The following MBD2 variants were observed in gnomAD, a reference collection of about 807,000 sequenced individuals.
MBD2 encodes the protein methyl-CpG-binding domain protein 2.
MBD2 carries 9 observed loss-of-function variants against 39.3 expected under a neutral mutation model. The ratio of observed to expected loss-of-function variants is 0.23; its 90% CI spans 0.14 to 0.40. The LOEUF (loss-of-function observed/expected upper bound fraction) is 0.40, where lower values mean the gene tolerates loss of function less well. Among genes scored for constraint, MBD2 ranks in the 10% least tolerant of loss-of-function variants. The pLI is 1.00. For missense variants in MBD2, 458 were observed against 532.6 expected (o/e 0.86, Z 1.38); for synonymous variants, 233 against 211.1 (o/e 1.10, Z -0.90).
At chr18:54,165,183 C>T (rs2086122575) in intron 4 of MBD2, among the ~76,000 whole-genome samples, 1 of 152,188 alleles carries the variant, frequency 6.6e-6, no homozygotes, top group Non-Finnish European at 1.5e-5. Flanking sequence ...AATATCTCAA[C>T]AATTATCTTC....
Position 54,202,638 on chromosome 18 carries a change from GA to G in MBD2, c.702+2359del, listed in dbSNP as rs1473524333. On this transcript the variant is annotated intron_variant, in intron 2 of 6. Transcript: ENST00000256429. ...GACCATGCCTCCAAAAATTAAGGCA[GA>G]AAGCTTCAGAAAACAATGAAAATGA... 6 of 874,308 alleles carry G rather than the reference GA, an allele frequency of 6.9e-6. No individual in the cohort carries two copies. In the African/African-American group the frequency reaches 1.1e-4, roughly 16 times the overall value. 54.2% of individuals were successfully genotyped at this position (874,308 alleles called of 1,614,324 possible).
intron 2 of MBD2, among the ~76,000 whole-genome samples, chr18:54,189,566 T>C (rs2086306538): frequency 6.6e-6 from 1 of 152,128 alleles, no homozygotes; most frequent in Non-Finnish European, 1.5e-5. Flanking sequence ...TCTACATAAA[T>C]TTCCTATCTG....
intron 2 of MBD2, among the ~76,000 whole-genome samples, chr18:54,201,001 AC>A (rs1283821848): frequency 2.7e-5 from 4 of 150,210 alleles, no homozygotes; most frequent in African/African-American, 9.8e-5. Context: ...AATGGCATGA[AC>A]CCGGGAGGCA....
At chr18:54,208,743 T>A (rs1199754234) in intron 1 of MBD2, among the ~76,000 whole-genome samples, 4 of 152,220 alleles carry the variant, frequency 2.6e-5, no homozygotes, top group African/African-American at 4.8e-5. Context: ...CAATAAGTAG[T>A]TCCTTATCTT....
At chr18:54,163,788 A>G (rs900900780) in intron 5 of MBD2, among the ~76,000 whole-genome samples, 2 of 152,004 alleles carry the variant, frequency 1.3e-5, no homozygotes, top group Non-Finnish European at 2.9e-5. Context: ...TAAGTTTAAG[A>G]GCAGCATCAC....
At chr18:54,171,025 G>C (rs2086175767) in intron 3 of MBD2, among the ~76,000 whole-genome samples, 1 of 152,024 alleles carries the variant, frequency 6.6e-6, no homozygotes, top group Admixed American at 6.6e-5. Flanking sequence ...TAGAAAGCTA[G>C]TTTTATTTTT....
intron 3 of MBD2, among the ~76,000 whole-genome samples, chr18:54,167,751 A>G (rs1211911451): frequency 1.3e-5 from 2 of 152,232 alleles, no homozygotes; most frequent in African/African-American, 4.8e-5. Flanking sequence ...TAATCACATT[A>G]TCAGTAGAAT....
chr18:54,204,945 T>C, intron 2 of MBD2, 53 bp downstream of exon 2: 1 of 1,556,332 alleles, frequency 6.4e-7, no homozygotes, highest in Non-Finnish European at 8.8e-7. Flanking sequence ...TGTGAGATAC[T>C]TTTTGAAGAG....
chr18:54,188,612 A>C (rs2086299290), intron 3 of MBD2, among the ~76,000 whole-genome samples: 1 of 152,234 alleles, frequency 6.6e-6, no homozygotes, highest in South Asian at 2.1e-4. Context: ...AGCAGAACCA[A>C]GTCTGATGTA....
At chr18:54,158,780 A>G (rs1385084723) in intron 6 of MBD2, among the ~76,000 whole-genome samples, 2 of 152,038 alleles carry the variant, frequency 1.3e-5, no homozygotes, top group Non-Finnish European at 2.9e-5. Flanking sequence ...CAGCTATTCT[A>G]CCACGCCCAG....
At position 54,224,088 on chromosome 18, in the gene MBD2, C is replaced by CG. The variant is rs755716804; in HGVS notation, c.471dup (p.Gly158ArgfsTer28). ...CGGATCACTTCCTCCTTCTTCCATC[C>CG]GGGGGGGAGGGCCGGGCAATCCATC... On this transcript the variant is annotated frameshift_variant, in exon 1 of 7. Transcript: ENST00000256429. LOFTEE classifies it high-confidence loss of function. 29 of 1,595,098 alleles carry CG rather than the reference C, an allele frequency of 1.8e-5. No individual in the cohort carries two copies. The highest frequency in any genetic ancestry group is 3.4e-5 in the Admixed American group (2 of 59,414).
intron 3 of MBD2, among the ~76,000 whole-genome samples, chr18:54,174,375 A>C (rs1036339206): frequency 1.0e-3 from 152 of 152,202 alleles, no homozygotes; most frequent in African/African-American, 3.5e-3. Flanking sequence ...CAGAAACAGA[A>C]AGAAGGGCCC....
intron 1 of MBD2, among the ~76,000 whole-genome samples, chr18:54,212,019 C>T (rs1368597223): frequency 6.6e-6 from 1 of 152,118 alleles, no homozygotes; most frequent in Non-Finnish European, 1.5e-5. Flanking sequence ...CCAAACCCAG[C>T]TAATTTTTTT....
At chr18:54,185,733 C>T (rs1428932574) in intron 3 of MBD2, among the ~76,000 whole-genome samples, 1 of 152,088 alleles carries the variant, frequency 6.6e-6, no homozygotes, top group Non-Finnish European at 1.5e-5. Flanking sequence ...CTCCTCCCCA[C>T]TACAGGGGTC....
At chr18:54,155,906 C>A (rs775155546) in intron 6 of MBD2, among the ~76,000 whole-genome samples, 1 of 152,184 alleles carries the variant, frequency 6.6e-6, no homozygotes, top group African/African-American at 2.4e-5. Context: ...TCTTCTTCTT[C>A]TTCTTAAATT....
At chr18:54,165,373 C>G (rs2086124122) in intron 4 of MBD2, among the ~76,000 whole-genome samples, 1 of 152,176 alleles carries the variant, frequency 6.6e-6, no homozygotes, top group African/African-American at 2.4e-5. Flanking sequence ...AGTCCTAAAC[C>G]TGTTTAACTA....
chr18:54,224,272 A>ACGGCCG lies in MBD2; in HGVS notation c.282_287dup (p.Gly95_Arg96dup). The ACGGCCG allele has an allele frequency of 9.7e-6, 9 of 931,018 alleles. No homozygotes were observed. The highest frequency in any genetic ancestry group is 3.8e-5 in the African/African-American group (2 of 52,826). The allele number at this position is 931,018 out of a possible 1,614,324, so 57.7% of individuals were successfully genotyped here. On this transcript the variant is annotated inframe_insertion, in exon 1 of 7. Coordinates refer to ENST00000256429, the MANE Select transcript of MBD2 (RefSeq NM_003927.5). ...CAAGGCCGCTGCCGCCACTCGGGGGACGGCCGCGGCCCCGGCCCCGGCCCC... is the reference window on the plus strand; with the variant it reads ...CAAGGCCGCTGCCGCCACTCGGGGGACGGCCGCGGCCGCGGCCCCGGCCCCGGCCCC...
chr18:54,157,048 G>A (rs543697652), intron 6 of MBD2, among the ~76,000 whole-genome samples: 1 of 152,226 alleles, frequency 6.6e-6, no homozygotes, highest in East Asian at 1.9e-4. Flanking sequence ...AGATCCCTCT[G>A]TGCTCCAGAG....
chr18:54,200,983 G>C (rs896558328), intron 2 of MBD2, among the ~76,000 whole-genome samples: 2 of 152,050 alleles, frequency 1.3e-5, no homozygotes, highest in Admixed American at 1.3e-4. Context: ...GGGAGGCTGA[G>C]GCAGGAGAAT....
Sources: allele counts gnomAD v4.1 joint callset (sites outside exome capture counted in the v4.1 genomes callset), GRCh38; gene constraint gnomAD v4.1.1; transcripts MANE v1.5; gene names NCBI Gene and HGNC (gene_info 2026-07-23, HGNC 2026-07-21).